The following ZDHHC11B variants were observed in gnomAD, a reference collection of about 807,000 sequenced individuals.
ZDHHC11B encodes the protein zDHHC palmitoyltransferase 11B (putative).
Under a neutral mutation model 42.3 loss-of-function variants are expected in ZDHHC11B, and 17 were observed. The ratio of observed to expected loss-of-function variants is 0.40; its 90% CI spans 0.27 to 0.60. The LOEUF (loss-of-function observed/expected upper bound fraction) is 0.60. ZDHHC11B is among the 20% of genes least tolerant of loss of function. ZDHHC11B has a pLI of 0.41. For synonymous variants in ZDHHC11B, 123 were observed against 193.5 expected (o/e 0.64, Z 3.02); for missense variants, 262 against 463.2 (o/e 0.57, Z 3.99).
At chr5:756,527 C>A (rs1330351648) in intron 4 of ZDHHC11B, among the ~76,000 whole-genome samples, 2 of 151,284 alleles carry the variant, frequency 1.3e-5, no homozygotes, top group Non-Finnish European at 2.9e-5. Context: ...CTGTTGGACA[C>A]AGGGCAAATC....
chr5:733,983 G>C (rs1490069108), intron 10 of ZDHHC11B, 144 bp from the exon 11 acceptor site: 2 of 744,864 alleles, frequency 2.7e-6, no homozygotes, highest in South Asian at 3.4e-5. Flanking sequence ...CAGCTCCTGG[G>C]AGGTTGTCTA....
In ZDHHC11B at chr5:772,575, C is replaced by T. The variant is rs1180431652; in HGVS notation, c.-229-3645G>A. Among the ~76,000 whole-genome samples the T allele has an allele frequency of 4.5e-4, 68 of 151,108 alleles. No individual in the cohort carries two copies. The South Asian group carries it at 6.7e-3, about 15-fold the overall frequency. On this transcript the variant is annotated intron_variant, in intron 1 of 13. Transcript: ENST00000508859. ...TTGGTGACTGGGCTTCCCAGGAAGA[C>T]GAGGGTGACAGCCGTCAACAGCCGA...
chr5:757,029 G>C (rs560747505), intron 4 of ZDHHC11B, among the ~76,000 whole-genome samples: 2 of 151,906 alleles, frequency 1.3e-5, no homozygotes, highest in African/African-American at 4.8e-5. Context: ...GAGAAGCTGG[G>C]CTCCCCGTGA....
chr5:749,739 C>G (rs1378483362), intron 7 of ZDHHC11B, among the ~76,000 whole-genome samples: 3 of 130,638 alleles, frequency 2.3e-5, no homozygotes, highest in Non-Finnish European at 5.1e-5. Flanking sequence ...CACATGCCAT[C>G]TTGGCCACCT....
In ZDHHC11B at chr5:748,157, A is replaced by G. The variant is rs1295586294; in HGVS notation, c.784+247T>C. The G allele has an allele frequency of 1.7e-5, 10 of 574,174 alleles. 1 individual carries two copies. The African/African-American group carries it at 1.8e-4, about 10-fold the overall frequency. 35.6% of individuals were successfully genotyped at this position (574,174 alleles called of 1,614,324 possible). A position where few individuals can be genotyped will look rare whatever the true frequency, so the allele number is the denominator to read the frequency against. ...AGCGCTCCTGCAGGTCTCAGCGTTG[A>G]GTTCAGCTTCTTGCTGGGCCTGCTG... On this transcript the variant is annotated intron_variant, in intron 8 of 13. Coordinates refer to ENST00000508859, the MANE Select transcript of ZDHHC11B (RefSeq NM_001351303.2).
intron 1 of ZDHHC11B, among the ~76,000 whole-genome samples, chr5:769,672 T>C (rs1474332345): frequency 6.6e-6 from 1 of 151,904 alleles, no homozygotes; most frequent in African/African-American, 2.4e-5. Flanking sequence ...TCTTAATTAC[T>C]TCCAGGCCAA....
intron 12 of ZDHHC11B, among the ~76,000 whole-genome samples, chr5:721,223 G>A (rs1229861317): frequency 1.3e-5 from 2 of 150,606 alleles, no homozygotes; most frequent in Non-Finnish European, 3.0e-5. Flanking sequence ...AAAGAACAAA[G>A]GGATCAAAAT....
intron 1 of ZDHHC11B, among the ~76,000 whole-genome samples, chr5:771,816 C>T (rs1240786350): frequency 1.4e-5 from 2 of 147,420 alleles, no homozygotes. Context: ...GTGGTCTCAT[C>T]TCCTGTGGGG....
chr5:719,072 C>A (rs919725723), intron 12 of ZDHHC11B, among the ~76,000 whole-genome samples: 1 of 151,770 alleles, frequency 6.6e-6, no homozygotes, highest in Non-Finnish European at 1.5e-5. Flanking sequence ...ACTAACTGGT[C>A]ATAGAGATAA....
chr5:765,631 T>G (rs404371), intron 4 of ZDHHC11B, among the ~76,000 whole-genome samples: 3 of 151,540 alleles, frequency 2.0e-5, no homozygotes, highest in African/African-American at 4.9e-5. Context: ...TGTGGAAGTT[T>G]TGTTCTTTTG....
chr5:751,080 G>A lies in ZDHHC11B; in HGVS notation c.628+53C>T, dbSNP rs1370754996. The A allele has an allele frequency of 4.3e-5, 38 of 884,484 alleles. 4 individuals are homozygous for A. Among genetic ancestry groups the A allele is most frequent in the African/African-American group, 1.9e-4 (11 of 58,132 alleles). 54.8% of individuals were successfully genotyped at this position (884,484 alleles called of 1,614,324 possible). ...CACCCCAGACCCGATACTACCGCCC[G>A]GAAAGACGGCTGGAGGCGAGGATGA... On this transcript the variant is annotated intron_variant, in intron 7 of 13. Coordinates refer to ENST00000508859, the MANE Select transcript of ZDHHC11B (RefSeq NM_001351303.2).
chr5:715,927 G>C (rs1205192233), intron 13 of ZDHHC11B, among the ~76,000 whole-genome samples: 1 of 151,210 alleles, frequency 6.6e-6, no homozygotes, highest in African/African-American at 2.4e-5. Context: ...TTGATGTTTT[G>C]CCCGATCATA....
intron 8 of ZDHHC11B, among the ~76,000 whole-genome samples, chr5:746,199 C>T (rs1270348804): frequency 2.0e-5 from 3 of 147,010 alleles, no homozygotes; most frequent in African/African-American, 4.9e-5. Context: ...ACACCAACAC[C>T]GTGAGAGCCG....
At chr5:784,076 AGGCCCGG>A (rs1391205869) in intron 1 of ZDHHC11B, among the ~76,000 whole-genome samples, 1 of 151,400 alleles carries the variant, frequency 6.6e-6, no homozygotes. Flanking sequence ...ACAGTAGCCA[AGGCCCGG>A]GGCAGCTGGA....
chr5:762,416 C>G (rs1349736656), intron 4 of ZDHHC11B, among the ~76,000 whole-genome samples: 1 of 151,874 alleles, frequency 6.6e-6, no homozygotes, highest in Non-Finnish European at 1.5e-5. Flanking sequence ...TAAAGCACAT[C>G]CTTGGACCCC....
chr5:763,479 A>T (rs1196538127), intron 4 of ZDHHC11B, among the ~76,000 whole-genome samples: 2 of 151,900 alleles, frequency 1.3e-5, no homozygotes, highest in African/African-American at 4.8e-5. Context: ...TGAATTCATT[A>T]TCAAAAGCCT....
intron 10 of ZDHHC11B, among the ~76,000 whole-genome samples, chr5:740,994 AC>A (rs1384994143): frequency 1.2e-5 from 1 of 84,902 alleles, no homozygotes; most frequent in Non-Finnish European, 2.9e-5. Context: ...GAACTGCTCC[AC>A]CCTTTTGAGA....
At chr5:770,802 G>A (rs1325531545) in intron 1 of ZDHHC11B, among the ~76,000 whole-genome samples, 2 of 151,976 alleles carry the variant, frequency 1.3e-5, no homozygotes, top group Admixed American at 1.3e-4. Context: ...GGGCACCGGT[G>A]TCAGGGTGCA....
chr5:774,841 G>A (rs1386870015), intron 1 of ZDHHC11B, among the ~76,000 whole-genome samples: 2 of 151,892 alleles, frequency 1.3e-5, no homozygotes, highest in African/African-American at 4.8e-5. Context: ...GCCAGCTGCT[G>A]TTTTAAAGAT....
Sources: allele counts gnomAD v4.1 joint callset (sites outside exome capture counted in the v4.1 genomes callset), GRCh38; gene constraint gnomAD v4.1.1; transcripts MANE v1.5; gene names NCBI Gene and HGNC (gene_info 2026-07-23, HGNC 2026-07-21).